Variants in ANK2 observed in about 807,000 individuals in gnomAD.
ANK2 encodes the protein ankyrin 2.
Under a neutral mutation model 360.5 loss-of-function variants are expected in ANK2, and 83 were observed. The observed-to-expected ratio is 0.23, with a 90% CI of 0.19 to 0.28. The LOEUF is 0.28. Among genes scored for constraint, ANK2 ranks in the 10% least tolerant of loss-of-function variants. The pLI, the probability that ANK2 is intolerant of heterozygous loss-of-function variation, is 1.00. For missense variants in ANK2, 4,201 were observed against 4,795.7 expected (o/e 0.88, Z 3.66); for synonymous variants, 1,740 against 1,759.5 (o/e 0.99, Z 0.28).
At chr4:113,378,362 C>G (rs1450378323) in intron 45 of ANK2, among the ~76,000 whole-genome samples, 1 of 152,128 alleles carries the variant, frequency 6.6e-6, no homozygotes, top group Non-Finnish European at 1.5e-5. Context: ...CTGAAGTATC[C>G]TCTTGATACT....
At chr4:113,200,426 A>G (rs2098813013) in intron 4 of ANK2, among the ~76,000 whole-genome samples, 1 of 152,244 alleles carries the variant, frequency 6.6e-6, no homozygotes, top group Non-Finnish European at 1.5e-5. Flanking sequence ...TTATGTAATC[A>G]AATAGTGAAC....
At chr4:113,250,761 C>CG (rs1554340232) in intron 10 of ANK2, among the ~76,000 whole-genome samples, 2 of 137,794 alleles carry the variant, frequency 1.5e-5, no homozygotes, top group African/African-American at 2.6e-5. Flanking sequence ...CACCGCCCCC[C>CG]CCCCCGACAG....
In ANK2 at chr4:112,862,634, A is replaced by C. The variant is rs139943875; in HGVS notation, c.-39-41821A>C. On this transcript the variant is annotated intron_variant, in intron 1 of 30. Transcript: ENST00000503271. ...TTCTCTTCATATTAGATGGCAATAA[A>C]ATTAGTCATTTAAATACTCAAATGT... Among the ~76,000 whole-genome samples the C allele has an allele frequency of 8.5e-5, 13 of 152,354 alleles. No homozygotes were observed. The East Asian group carries it at 2.5e-3, about 29-fold the overall frequency.
intron 2 of ANK2, among the ~76,000 whole-genome samples, chr4:112,916,800 T>C (rs1309370897): frequency 3.3e-5 from 5 of 152,208 alleles, no homozygotes; most frequent in Non-Finnish European, 7.3e-5. Flanking sequence ...AGCATCAGGA[T>C]TTTCTATTCA....
intron 2 of ANK2, among the ~76,000 whole-genome samples, chr4:112,942,568 G>A (rs138426477): frequency 6.6e-6 from 1 of 151,868 alleles, no homozygotes; most frequent in African/African-American, 2.4e-5. Context: ...AGAAAAATGA[G>A]GATAAATGAC....
At chr4:113,097,894 A>T (rs201239354) in intron 1 of ANK2, among the ~76,000 whole-genome samples, 2 of 115,144 alleles carry the variant, frequency 1.7e-5, no homozygotes, top group Admixed American at 8.3e-5. Context: ...ACACACACGC[A>T]CACACACATA....
chr4:112,972,397 A>G (rs779483424), intron 2 of ANK2, among the ~76,000 whole-genome samples: 1 of 151,904 alleles, frequency 6.6e-6, no homozygotes, highest in Non-Finnish European at 1.5e-5. Context: ...CCCTGTGTCC[A>G]TGTGATCACT....
Position 113,014,543 on chromosome 4 carries a change from T to G in ANK2, c.21+110029T>G, listed in dbSNP as rs149935349. Among the ~76,000 whole-genome samples, 199 of 152,300 alleles carry G rather than the reference T, an allele frequency of 1.3e-3. 2 individuals carry two copies. The East Asian group carries it at 0.031, about 24-fold the overall frequency. ...CTACAGAGCCAGCTCTTAAAACAAC[T>G]GTGCTTTATTCTAAAGGATACTGGT... On this transcript the variant is annotated intron_variant, in intron 2 of 30. Coordinates refer to the ANK2 transcript ENST00000503271.
chr4:113,306,596 A>C (rs2077336208), intron 23 of ANK2, among the ~76,000 whole-genome samples: 2 of 152,242 alleles, frequency 1.3e-5, no homozygotes, highest in Admixed American at 1.3e-4. Flanking sequence ...CTAAGAAAAG[A>C]GAAAGCATTT....
intron 1 of ANK2, among the ~76,000 whole-genome samples, chr4:112,865,078 A>G (rs2069942765): frequency 6.8e-6 from 1 of 146,544 alleles, no homozygotes; most frequent in African/African-American, 2.5e-5. Flanking sequence ...AAAGGAGTAG[A>G]AACCAGAGAT....
At chr4:112,875,975 G>T (rs866109644) in intron 1 of ANK2, among the ~76,000 whole-genome samples, 2 of 143,144 alleles carry the variant, frequency 1.4e-5, no homozygotes, top group Admixed American at 7.1e-5. Context: ...GGCTGGTCTT[G>T]AACTCCTGGC....
At chr4:112,706,155 C>T in the ANK2 span, among the ~76,000 whole-genome samples, 2 of 151,648 alleles carry the variant, frequency 1.3e-5, no homozygotes, top group South Asian at 4.2e-4. Flanking sequence ...GATGGCTTCT[C>T]CCACCTCCCC....
At chr4:113,099,132 A>G (rs538404314) in intron 1 of ANK2, among the ~76,000 whole-genome samples, 3 of 152,078 alleles carry the variant, frequency 2.0e-5, no homozygotes, top group South Asian at 2.1e-4. Flanking sequence ...CTCATATTCT[A>G]CATCATACTG....
chr4:113,143,012 A>AG (rs1242344422), intron 1 of ANK2, among the ~76,000 whole-genome samples: 1 of 152,076 alleles, frequency 6.6e-6, no homozygotes, highest in East Asian at 1.9e-4. Context: ...ATCTGCAAAA[A>AG]AAAAAGACGT....
Position 113,381,810 on chromosome 4 carries a change from A to G in ANK2, c.*339A>G. ...TTTTCCCCCATCCTCTTTAACTATA[A>G]AGCTAATTTGTGACCAAAGATGGCA... On this transcript the variant is annotated 3_prime_UTR_variant, in exon 46 of 46. Transcript: ENST00000357077. 1.7e-6 allele frequency: 1 copy of G among 592,006 alleles called. No individual in the cohort carries two copies. The allele number at this position is 592,006 out of a possible 1,614,324, so 36.7% of individuals were successfully genotyped here.
intron 1 of ANK2, among the ~76,000 whole-genome samples, chr4:113,105,093 G>A (rs1292825581): frequency 5.3e-5 from 8 of 152,122 alleles, no homozygotes; most frequent in Non-Finnish European, 1.2e-4. Context: ...AGAAATTCAG[G>A]AGGAGAGGAA....
At chr4:112,797,912 G>C in the ANK2 span, 1,293 of 155,050 alleles carry the variant, frequency 8.3e-3, 10 homozygotes, top group Non-Finnish European at 0.013. Context: ...GTATGTTTCA[G>C]CTTCATAATA....
intron 1 of ANK2, among the ~76,000 whole-genome samples, chr4:113,163,735 G>A (rs1198956004): frequency 8.2e-6 from 1 of 121,832 alleles, no homozygotes; most frequent in East Asian, 2.5e-4. Context: ...TTGCACTCCA[G>A]CCTGGGCAAC....
chr4:112,912,785 G>C (rs553268477), intron 2 of ANK2, among the ~76,000 whole-genome samples: 1 of 152,070 alleles, frequency 6.6e-6, no homozygotes, highest in South Asian at 2.1e-4. Flanking sequence ...AGGCTGAGGT[G>C]GGAGGATAGC....
Sources: allele counts gnomAD v4.1 joint callset (sites outside exome capture counted in the v4.1 genomes callset), GRCh38; gene constraint gnomAD v4.1.1; transcripts MANE v1.5; gene names NCBI Gene and HGNC (gene_info 2026-07-23, HGNC 2026-07-21).